Variants in DLG2 observed in about 807,000 individuals in gnomAD.
The protein encoded by DLG2 is discs large MAGUK scaffold protein 2.
A neutral mutation model predicts 132.5 loss-of-function variants in DLG2; 45 were observed. The observed-to-expected ratio is 0.34, with a 90% CI of 0.27 to 0.44. DLG2 has a LOEUF of 0.44. Ranked by LOEUF, DLG2 falls within the 20% of genes least tolerant of loss-of-function variation. The pLI, the probability that DLG2 is intolerant of heterozygous loss-of-function variation, is 1.00. For synonymous variants in DLG2, 424 were observed against 419.6 expected (o/e 1.01, Z -0.13); for missense variants, 1,045 against 1,196.9 (o/e 0.87, Z 1.87).
chr11:84,334,315 A>T (rs2098474215), intron 7 of DLG2, among the ~76,000 whole-genome samples: 2 of 152,190 alleles, frequency 1.3e-5, no homozygotes. Flanking sequence ...TCTGGCCTGT[A>T]TGAGGGACCA....
At chr11:84,445,915 C>CG (rs776723246) in intron 7 of DLG2, among the ~76,000 whole-genome samples, 2 of 59,836 alleles carry the variant, frequency 3.3e-5, no homozygotes, top group Non-Finnish European at 6.5e-5. Context: ...GACTTCGCCT[C>CG]AAAAAAAAAA....
chr11:83,866,148 A>T (rs1374050621), intron 16 of DLG2, among the ~76,000 whole-genome samples: 3 of 151,874 alleles, frequency 2.0e-5, no homozygotes, highest in Non-Finnish European at 4.4e-5. Flanking sequence ...TTAATGTCTC[A>T]TTTTCTCCCC....
intron 6 of DLG2, among the ~76,000 whole-genome samples, chr11:85,025,689 T>G (rs1042818647): frequency 3.9e-5 from 6 of 152,182 alleles, no homozygotes; most frequent in African/African-American, 1.4e-4. Flanking sequence ...GTCTGGTAAT[T>G]GCAGAGATAT....
At chr11:84,250,937 G>A (rs575284576) in intron 8 of DLG2, among the ~76,000 whole-genome samples, 1 of 152,268 alleles carries the variant, frequency 6.6e-6, no homozygotes, top group South Asian at 2.1e-4. Context: ...AAGTTTGCTA[G>A]TGTCTATGAG....
chr11:84,261,455 C>T (rs2097547163), intron 7 of DLG2, among the ~76,000 whole-genome samples: 1 of 152,166 alleles, frequency 6.6e-6, no homozygotes, highest in Admixed American at 6.5e-5. Flanking sequence ...ATCATCACTC[C>T]AGGACTCAAT....
chr11:84,014,301 T>C (rs1364580603), intron 11 of DLG2, among the ~76,000 whole-genome samples: 1 of 152,188 alleles, frequency 6.6e-6, no homozygotes, highest in African/African-American at 2.4e-5. Flanking sequence ...GTGGGCAAGA[T>C]AATTATGAAA....
intron 6 of DLG2, among the ~76,000 whole-genome samples, chr11:84,928,833 T>TTATA (rs768191538): frequency 6.6e-6 from 1 of 151,250 alleles, no homozygotes; most frequent in East Asian, 1.9e-4. Context: ...GATAATGCAT[T>TTATA]TATATACCTG....
At chr11:83,538,179 A>G (rs2095946702) in intron 20 of DLG2, among the ~76,000 whole-genome samples, 1 of 152,254 alleles carries the variant, frequency 6.6e-6, no homozygotes, top group South Asian at 2.1e-4. Context: ...AACGCTGCCC[A>G]TAATGTCACT....
intron 12 of DLG2, among the ~76,000 whole-genome samples, chr11:83,972,117 C>T (rs2091452190): frequency 6.6e-6 from 1 of 151,960 alleles, no homozygotes; most frequent in South Asian, 2.1e-4. Context: ...TTTCTCAAGG[C>T]CAATGAATAG....
At chr11:83,899,885 C>T (rs2072930445) in intron 15 of DLG2, among the ~76,000 whole-genome samples, 1 of 152,086 alleles carries the variant, frequency 6.6e-6, no homozygotes, top group Non-Finnish European at 1.5e-5. Context: ...GTTCGGAGGG[C>T]TCAGAAGAAG....
At chr11:84,781,412 C>T (rs968841172) in intron 6 of DLG2, among the ~76,000 whole-genome samples, 2 of 151,912 alleles carry the variant, frequency 1.3e-5, no homozygotes, top group Non-Finnish European at 2.9e-5. Flanking sequence ...GGACCTCCTC[C>T]CTGAGTTGAT....
rs2153620955 is a variant in DLG2 at position 83,691,330 on chromosome 11, T to TA, written c.1826-58006dup. ...CCCACTGCCTCCACTGTCTTCTCTG[T>TA]ACTCTCCTATCTAGCTTTTAATATA... is the stretch of plus-strand genomic sequence containing the variant. On this transcript the variant is annotated intron_variant, in intron 18 of 27. Coordinates refer to ENST00000376104, the MANE Select transcript of DLG2 (RefSeq NM_001142699.3). Among the ~76,000 whole-genome samples, 2 of 152,332 alleles carry TA rather than the reference T, an allele frequency of 1.3e-5. 1 individual carries two copies. The highest frequency in any genetic ancestry group is 3.9e-4 in the East Asian group (2 of 5,184).
intron 3 of DLG2, among the ~76,000 whole-genome samples, chr11:85,554,071 A>G (rs1462172856): frequency 3.3e-5 from 5 of 151,436 alleles, no homozygotes; most frequent in African/African-American, 1.2e-4. Flanking sequence ...AAGAAAAAAT[A>G]CTGAAAACTT....
At chr11:84,246,281 GTCCCAC>G (rs1299739750) in intron 8 of DLG2, among the ~76,000 whole-genome samples, 1 of 152,228 alleles carries the variant, frequency 6.6e-6, no homozygotes, top group African/African-American at 2.4e-5. Flanking sequence ...ATCTCTCACT[GTCCCAC>G]TCCATCTCTT....
At chr11:85,095,365 G>T (rs78924500) in intron 6 of DLG2, among the ~76,000 whole-genome samples, 2,039 of 152,230 alleles carry the variant, frequency 0.013, 20 homozygotes, top group Non-Finnish European at 0.021. Context: ...TAAAGTGAAG[G>T]TGCAATAAAA....
rs116339304 is a variant in DLG2, at chr11:84,880,598, T to C, written c.357+231063A>G. On this transcript the variant is annotated intron_variant, in intron 6 of 27. Coordinates refer to ENST00000376104, the MANE Select transcript of DLG2 (RefSeq NM_001142699.3). ...AGATGATGAAGATTCTTTGAACAAA[T>C]AAGCAGTATGATAATATACCCTATC... Among the ~76,000 whole-genome samples the C allele has an allele frequency of 8.2e-3, 1,248 of 152,226 alleles. 24 individuals are homozygous for C. Among genetic ancestry groups the C allele is most frequent in the African/African-American group, 0.028 (1,152 of 41,552 alleles).
In DLG2 at chr11:85,531,867, G is replaced by C. The variant is rs117748360; in HGVS notation, c.40+66790C>G. ...AATCTCCCAATAACCCTGTGAGAAA[G>C]ATGCTAATATGTTCCCTATTTTATT... On this transcript the variant is annotated intron_variant, in intron 3 of 27. Transcript: ENST00000376104. Among the ~76,000 whole-genome samples the C allele has an allele frequency of 3.0e-4, 46 of 152,250 alleles. 3 individuals are homozygous for C. The East Asian group carries it at 8.9e-3, about 29-fold the overall frequency.
At chr11:83,918,246 T>G (rs897027974) in intron 15 of DLG2, among the ~76,000 whole-genome samples, 1 of 152,120 alleles carries the variant, frequency 6.6e-6, no homozygotes, top group Non-Finnish European at 1.5e-5. Context: ...AGTATACGTA[T>G]AGGTGAGAAC....
intron 8 of DLG2, among the ~76,000 whole-genome samples, chr11:84,204,578 T>C (rs1282013333): frequency 1.3e-5 from 2 of 152,150 alleles, no homozygotes; most frequent in Non-Finnish European, 2.9e-5. Flanking sequence ...AATGGTGGAC[T>C]TAAATGAAAC....
Sources: gnomAD v4.1 joint callset for allele counts (sites outside exome capture counted in the v4.1 genomes callset) on GRCh38, gnomAD v4.1.1 for gene constraint, MANE v1.5 for transcripts, NCBI Gene and HGNC (gene_info 2026-07-23, HGNC 2026-07-21) for gene names.